KCTD16: variants seen among roughly 807,000 people sequenced by gnomAD.
KCTD16 encodes potassium channel tetramerization domain containing 16, also known as BTB/POZ domain-containing protein KCTD16.
Under a neutral mutation model 33.2 loss-of-function variants are expected in KCTD16, and 13 were observed. That is an observed-to-expected ratio of 0.39 (90% CI 0.25 to 0.62). The LOEUF (loss-of-function observed/expected upper bound fraction) is 0.62. Among genes scored for constraint, KCTD16 ranks in the 20% least tolerant of loss-of-function variants. KCTD16 has a pLI of 0.50. For synonymous variants in KCTD16, 197 were observed against 195.3 expected, an observed-to-expected ratio of 1.01 and a Z score of -0.07; for missense variants, 441 against 525.1, an observed-to-expected ratio of 0.84 and a Z score of 1.57.
chr5:144,316,391 T>C (rs1751913238), intron 3 of KCTD16, among the ~76,000 whole-genome samples: 1 of 152,180 alleles, frequency 6.6e-6, no homozygotes, highest in African/African-American at 2.4e-5. Context: ...CAGAAGTCAT[T>C]TGCCAAAGAG....
intron 3 of KCTD16, among the ~76,000 whole-genome samples, chr5:144,221,629 G>A (rs1753757593): frequency 6.6e-6 from 1 of 152,114 alleles, no homozygotes; most frequent in Non-Finnish European, 1.5e-5. Context: ...AGTATTCCAT[G>A]GTGTATATGT....
At chr5:144,187,575 A>G (rs2126777780) in intron 2 of KCTD16, among the ~76,000 whole-genome samples, 1 of 152,338 alleles carries the variant, frequency 6.6e-6, no homozygotes, top group African/African-American at 2.4e-5. Context: ...GCATATACAG[A>G]GGAAAATATG....
intron 3 of KCTD16, among the ~76,000 whole-genome samples, chr5:144,361,968 G>A (rs1330311859): frequency 6.6e-6 from 1 of 150,714 alleles, no homozygotes; most frequent in African/African-American, 2.4e-5. Context: ...TCTAGCACTT[G>A]TTTCTGGGGA....
At chr5:144,300,940 A>C (rs1235141076) in intron 3 of KCTD16, among the ~76,000 whole-genome samples, 1 of 152,106 alleles carries the variant, frequency 6.6e-6, no homozygotes, top group African/African-American at 2.4e-5. Flanking sequence ...CAAGTAAGGT[A>C]GAGTCATAAA....
chr5:144,452,776 A>G (rs984683377), intron 3 of KCTD16, among the ~76,000 whole-genome samples: 4 of 150,932 alleles, frequency 2.7e-5, no homozygotes, highest in Non-Finnish European at 5.9e-5. Context: ...GCAAGAATAA[A>G]AAAAAAAAAA....
In KCTD16 at chr5:144,247,069, T is replaced by C. The variant is rs185181900; in HGVS notation, c.832+39523T>C. ...TTAGTTTATTAGGTAAAGCACTTAT[T>C]CTAGTTTCTGTGGGATTATGTTTTT... On this transcript the variant is annotated intron_variant, in intron 3 of 3. Coordinates refer to ENST00000512467, the MANE Select transcript of KCTD16 (RefSeq NM_020768.4). Among the ~76,000 whole-genome samples the C allele has an allele frequency of 1.4e-3, 209 of 152,326 alleles. 3 individuals are homozygous for C. The highest frequency in any genetic ancestry group is 0.01 in the Middle Eastern group (3 of 294).
At chr5:144,440,266 G>T (rs1037156527) in intron 3 of KCTD16, among the ~76,000 whole-genome samples, 12 of 152,172 alleles carry the variant, frequency 7.9e-5, no homozygotes, top group African/African-American at 2.4e-4. Context: ...GTTTCTCACA[G>T]TTTGGATGTG....
rs1754701954 is a variant in KCTD16 at position 144,481,446 on chromosome 5, C to T, written c.*7332C>T. The stretch of plus-strand genomic sequence containing the variant: ...TGGCTCCCAAGTCCTTGTTTCCAAA[C>T]ATGTGACAAGTCTAAGCACAAGTCC... On this transcript the variant is annotated 3_prime_UTR_variant, in exon 4 of 4. Transcript: ENST00000512467. The T allele has an allele frequency of 1.3e-5, 2 of 151,868 alleles. No individual in the cohort carries two copies. The highest frequency in any genetic ancestry group is 1.3e-4 in the Admixed American group (2 of 15,206). 9.4% of individuals were successfully genotyped at this position (151,868 alleles called of 1,614,324 possible).
chr5:144,440,731 GT>G lies in KCTD16; in HGVS notation c.833-32922del, dbSNP rs1235437057. ...TTTCTCTAATGATGAATAATGTTGA[GT>G]TTTTTTATTTTATTTTATTATTATT... On this transcript the variant is annotated intron_variant, in intron 3 of 3. Coordinates refer to ENST00000512467, the MANE Select transcript of KCTD16 (RefSeq NM_020768.4). 5.9e-5 allele frequency among the ~76,000 whole-genome samples: 9 copies of G among 151,884 alleles called. No individual in the cohort carries two copies. The South Asian group carries it at 6.2e-4, about 11-fold the overall frequency.
intron 2 of KCTD16, among the ~76,000 whole-genome samples, chr5:144,180,039 GGTCATTACTGT>G (rs2126772938): frequency 6.6e-6 from 1 of 152,302 alleles, no homozygotes; most frequent in South Asian, 2.1e-4. Flanking sequence ...AGCTTGATGA[GGTCATTACTGT>G]GCTTCCATAC....
chr5:144,239,038 G>A (rs1380070237), intron 3 of KCTD16, among the ~76,000 whole-genome samples: 1 of 152,152 alleles, frequency 6.6e-6, no homozygotes, highest in Non-Finnish European at 1.5e-5. Context: ...TCAATAAATG[G>A]TTGTTGAATG....
chr5:144,206,373 T>C lies in KCTD16; in HGVS notation c.-326-16T>C. The C allele has an allele frequency of 4.8e-6, 1 of 208,602 alleles. No individual in the cohort carries two copies. The highest frequency in any genetic ancestry group is 9.5e-6 in the Non-Finnish European group (1 of 105,010). 12.9% of individuals were successfully genotyped at this position (208,602 alleles called of 1,614,324 possible). ...ATTCCAGGTTTGAGGAAATAATTTTTTCTCTTTTCCTTCAGACGGACATCT... is the reference window on the plus strand; with the variant it reads ...ATTCCAGGTTTGAGGAAATAATTTTCTCTCTTTTCCTTCAGACGGACATCT... On this transcript the variant is annotated splice_polypyrimidine_tract_variant and intron_variant, in intron 2 of 3. Coordinates refer to ENST00000512467, the MANE Select transcript of KCTD16 (RefSeq NM_020768.4).
chr5:144,428,228 A>G (rs1753378572), intron 3 of KCTD16, among the ~76,000 whole-genome samples: 1 of 152,188 alleles, frequency 6.6e-6, no homozygotes, highest in Admixed American at 6.6e-5. Flanking sequence ...GGAAATAGAT[A>G]AAATGGTGAT....
At position 144,481,527 on chromosome 5, in the gene KCTD16, TTG is replaced by T. The variant is rs1754703165; in HGVS notation, c.*7417_*7418del. ...TACACTGACTTTATTAGAACACAAT[TTG>T]TGTCTGAAATGATTTGACATTTTTC... On this transcript the variant is annotated 3_prime_UTR_variant, in exon 4 of 4. Coordinates refer to ENST00000512467, the MANE Select transcript of KCTD16 (RefSeq NM_020768.4). 1 of 151,954 alleles carries T rather than the reference TTG, an allele frequency of 6.6e-6. No homozygotes were observed. The highest frequency in any genetic ancestry group is 1.5e-5 in the Non-Finnish European group (1 of 67,926). The allele number at this position is 151,954 out of a possible 1,614,324, so 9.4% of individuals were successfully genotyped here. A position where few individuals can be genotyped will look rare whatever the true frequency, so the allele number is the denominator to read the frequency against.
chr5:144,303,038 C>G (rs964970081), intron 3 of KCTD16, among the ~76,000 whole-genome samples: 8 of 152,184 alleles, frequency 5.3e-5, no homozygotes, highest in Non-Finnish European at 1.2e-4. Context: ...AGTCTTTCCT[C>G]TCTTCTGTTT....
At chr5:144,236,741 C>G (rs1754265315) in intron 3 of KCTD16, among the ~76,000 whole-genome samples, 1 of 152,058 alleles carries the variant, frequency 6.6e-6, no homozygotes, top group Non-Finnish European at 1.5e-5. Flanking sequence ...CCCTGGAGCT[C>G]TGGGGAGGTA....
chr5:144,405,858 A>C (rs1202230139), intron 3 of KCTD16, among the ~76,000 whole-genome samples: 1 of 152,186 alleles, frequency 6.6e-6, no homozygotes, highest in Admixed American at 6.6e-5. Flanking sequence ...GCAGGCTGTG[A>C]GTTTTATCTT....
chr5:144,312,797 A>G (rs752628880), intron 3 of KCTD16, among the ~76,000 whole-genome samples: 3 of 152,224 alleles, frequency 2.0e-5, no homozygotes, highest in Non-Finnish European at 4.4e-5. Flanking sequence ...CGCACTTCTC[A>G]TGGTATTTGG....
At position 144,475,271 on chromosome 5, in the gene KCTD16, T is replaced by C. The variant is rs1446963235; in HGVS notation, c.*1157T>C. On this transcript the variant is annotated 3_prime_UTR_variant, in exon 4 of 4. Coordinates refer to ENST00000512467, the MANE Select transcript of KCTD16 (RefSeq NM_020768.4). ...AAAAATTTTAAACTACAAAGCTACA[T>C]TTTTACTTGCTTGTAGCCGTTTTTG... The C allele has an allele frequency of 6.6e-6, 1 of 152,200 alleles. No individual in the cohort carries two copies. Among genetic ancestry groups the C allele is most frequent in the Non-Finnish European group, 1.5e-5 (1 of 68,028 alleles). The allele number at this position is 152,200 out of a possible 1,614,324, so 9.4% of individuals were successfully genotyped here. A position where few individuals can be genotyped will look rare whatever the true frequency, so the allele number is the denominator to read the frequency against.
Sources: gnomAD v4.1 joint callset for allele counts (sites outside exome capture counted in the v4.1 genomes callset) on GRCh38, gnomAD v4.1.1 for gene constraint, MANE v1.5 for transcripts, NCBI Gene and HGNC (gene_info 2026-07-23, HGNC 2026-07-21) for gene names.